ZNF629: variants seen among roughly 807,000 people sequenced by gnomAD.
The protein encoded by ZNF629 is zinc finger protein 629.
Under a neutral mutation model 59.7 loss-of-function variants are expected in ZNF629, and 9 were observed. The observed-to-expected ratio is 0.15, with a 90% CI of 0.09 to 0.26. The LOEUF (loss-of-function observed/expected upper bound fraction) is 0.26. Among genes scored for constraint, ZNF629 ranks in the 10% least tolerant of loss-of-function variants. The probability of loss-of-function intolerance (pLI) is 1.00; values close to 1 mark genes in which losing one functional copy is unlikely to be tolerated. For missense variants in ZNF629, 853 were observed against 1,165.4 expected (o/e 0.73, Z 3.90); for synonymous variants, 509 against 498.9 (o/e 1.02, Z -0.27).
chr16:30,782,006 C>T lies in ZNF629; in HGVS notation c.2322G>A (p.Arg774=). ...GGGCCACGCGGTCGAGGAAGGAGGC[C>T]CTGCAATCTGAGCAGCGGTAGGGTC... ...GARPYRCSDC[R]ASFLDRVALT... is the part of the protein sequence containing the mutation. The change falls in exon 3 of 3, where the codon AGG becomes AGA. Residue 774 remains arginine, a synonymous_variant. Coordinates refer to ENST00000262525, the MANE Select transcript of ZNF629 (RefSeq NM_001080417.3). 1 of 1,569,892 alleles carries T rather than the reference C, an allele frequency of 6.4e-7. No homozygotes were observed. The highest frequency in any genetic ancestry group is 8.6e-7 in the Non-Finnish European group (1 of 1,158,324).
rs1445092069 is a variant in ZNF629 at position 30,780,575 on chromosome 16, T to C, written c.*1143A>G. 1.3e-5 allele frequency: 2 copies of C among 152,532 alleles called. No homozygotes were observed. The highest frequency in any genetic ancestry group is 2.9e-5 in the Non-Finnish European group (2 of 68,028). The allele number at this position is 152,532 out of a possible 1,614,324, so 9.4% of individuals were successfully genotyped here. A position where few individuals can be genotyped will look rare whatever the true frequency, so the allele number is the denominator to read the frequency against. On this transcript the variant is annotated 3_prime_UTR_variant, in exon 3 of 3. Coordinates refer to ENST00000262525, the MANE Select transcript of ZNF629 (RefSeq NM_001080417.3). ...GAAATGAGCTGCCACTGGCGGCAGT[T>C]AGATTTCAGGAAAAACCTCCTGAAG...
In ZNF629 at chr16:30,783,285, C is replaced by T; in HGVS notation, c.1043G>A (p.Cys348Tyr). 1 of 1,614,126 alleles carries T rather than the reference C, an allele frequency of 6.2e-7. No homozygotes were observed. The highest frequency in any genetic ancestry group is 8.5e-7 in the Non-Finnish European group (1 of 1,180,026). ...RTHTGEKPYE[C>Y]LECGKSFGHS... ...GCCGAAGCTCTTGCCGCACTCTAGG[C>T]ACTCGTAGGGCTTCTCGCCTGTGTG... Residue 348 changes from cysteine to tyrosine, a missense_variant, in exon 3 of 3, where the codon TGC (cysteine) becomes TAC (tyrosine). Coordinates refer to ENST00000262525, the MANE Select transcript of ZNF629 (RefSeq NM_001080417.3).
intron 2 of ZNF629, 30 bp downstream of exon 2, chr16:30,784,380 G>T: frequency 6.4e-7 from 1 of 1,550,958 alleles, no homozygotes. Context: ...CCGTCTTGCC[G>T]GGACCGCAGC....
intron 2 of ZNF629, 43 bp from the exon 3 acceptor site, chr16:30,784,297 A>T: frequency 6.4e-7 from 1 of 1,568,210 alleles, no homozygotes; most frequent in South Asian, 1.2e-5. Context: ...CCCCTTTCAG[A>T]ACACGGGGTT....
chr16:30,783,299 C>T lies in ZNF629; in HGVS notation c.1029G>A (p.Glu343=), dbSNP rs777038459. Residue 343 remains glutamate (E), a synonymous_variant, in exon 3 of 3, where the codon GAG becomes GAA. Transcript: ENST00000262525. The stretch of plus-strand genomic sequence containing the variant: ...CGCACTCTAGGCACTCGTAGGGCTT[C>T]TCGCCTGTGTGCGTGCGCTGGTGCT... ...LTQHQRTHTG[E]KPYECLECGK... is the part of the protein sequence containing the mutation. The T allele has an allele frequency of 1.9e-6, 3 of 1,614,214 alleles. No individual in the cohort carries two copies. Among genetic ancestry groups the T allele is most frequent in the South Asian group, 2.2e-5 (2 of 91,086 alleles).
At position 30,783,171 on chromosome 16, in the gene ZNF629, C is replaced by A; in HGVS notation, c.1157G>T (p.Ser386Ile). The A allele has an allele frequency of 1.2e-6, 2 of 1,613,594 alleles. No homozygotes were observed. The change falls in exon 3 of 3, where the codon AGC becomes ATC. Residue 386 changes from serine (S) to isoleucine (I), a missense_variant. Transcript: ENST00000262525. ...CPVCGKTFTL[S>I]ATLLRHQRTH... is the part of the protein sequence containing the mutation. ...GCGCTGGTGCCGCAGCAACGTGGCGCTCAGGGTGAAGGTCTTGCCGCACAC... is the reference window on the plus strand; with the variant it reads ...GCGCTGGTGCCGCAGCAACGTGGCGATCAGGGTGAAGGTCTTGCCGCACAC...
In ZNF629 at chr16:30,786,313, G is replaced by C. The variant is rs949514425; in HGVS notation, c.-34+715C>G. 6.6e-6 allele frequency among the ~76,000 whole-genome samples: 1 copy of C among 152,174 alleles called. No homozygotes were observed. Among genetic ancestry groups the C allele is most frequent in the African/African-American group, 2.4e-5 (1 of 41,434 alleles). ...GCTGCCTGATGTCCGGTCCGGGAAGGATGCCCTGCTGTGTTTGCTCGGGAC... is the reference window on the plus strand; with the variant it reads ...GCTGCCTGATGTCCGGTCCGGGAAGCATGCCCTGCTGTGTTTGCTCGGGAC... On this transcript the variant is annotated intron_variant, in intron 1 of 2. Transcript: ENST00000262525. The surrounding 1 kb of genome is among the most constrained non-coding windows in gnomAD (Gnocchi z 4.8).
At position 30,782,105 on chromosome 16, in the gene ZNF629, G is replaced by C. The variant is rs200285813; in HGVS notation, c.2223C>G (p.Ser741Arg). The C allele has an allele frequency of 1.3e-4, 214 of 1,603,388 alleles. No homozygotes were observed. The African/African-American group carries it at 1.4e-3, about 11-fold the overall frequency. Residue 741 changes from serine to arginine, a missense_variant, in exon 3 of 3, where the codon AGC becomes AGG. By Grantham distance (110) the Ser-to-Arg change is moderately radical. Coordinates refer to ENST00000262525, the MANE Select transcript of ZNF629 (RefSeq NM_001080417.3). Reference sequence around the variant, plus strand: ...TCCCCAGCTCTGGACTCTTCTGGGAGCTCTTCCCGCCTGCATGGACTTTCT... The same window carrying C: ...TCCCCAGCTCTGGACTCTTCTGGGACCTCTTCCCGCCTGCATGGACTTTCT... ...LHQKVHAGGKSSQKSPELGKS... is the reference protein window; with the variant it reads ...LHQKVHAGGKRSQKSPELGKS...
At position 30,783,946 on chromosome 16, in the gene ZNF629, C is replaced by G; in HGVS notation, c.382G>C (p.Val128Leu). 2 of 1,588,138 alleles carry G rather than the reference C, an allele frequency of 1.3e-6. No individual in the cohort carries two copies. The highest frequency in any genetic ancestry group is 2.7e-5 in the African/African-American group (2 of 74,616). Residue 128 changes from valine to leucine, a missense_variant, in exon 3 of 3, where the codon GTC (valine) becomes CTC (leucine). Physicochemically the swap from Val to Leu is conservative, Grantham distance 32. Transcript: ENST00000262525. Reference protein sequence around the residue: ...ALTTWNSPPVVPANEPSLREL... With the variant: ...ALTTWNSPPVLPANEPSLREL... ...CGCAGGCTGGGCTCGTTGGCGGGGA[C>G]GACTGGGGGGCTGTTCCATGTGGTG...
chr16:30,783,758 G>A lies in ZNF629; in HGVS notation c.570C>T (p.Ser190=). The A allele has an allele frequency of 4.3e-6, 7 of 1,613,832 alleles. No individual in the cohort carries two copies. The highest frequency in any genetic ancestry group is 5.9e-6 in the Non-Finnish European group (7 of 1,179,908). Reference sequence around the variant, plus strand: ...TGCGCTGGTGCTGCACCAGGTGCGAGCTCTGCGTGAAGCTCTTGCCGCACT... The same window carrying A: ...TGCGCTGGTGCTGCACCAGGTGCGAACTCTGCGTGAAGCTCTTGCCGCACT... ...CSECGKSFTQ[S]SHLVQHQRTH... The change falls in exon 3 of 3, where the codon AGC becomes AGT. Residue 190 remains serine, a synonymous_variant. Coordinates refer to ENST00000262525, the MANE Select transcript of ZNF629 (RefSeq NM_001080417.3).
In ZNF629 at chr16:30,783,988, A is replaced by G; in HGVS notation, c.340T>C (p.Trp114Arg). The G allele has an allele frequency of 1.9e-6, 3 of 1,575,606 alleles. No homozygotes were observed. The highest frequency in any genetic ancestry group is 2.6e-6 in the Non-Finnish European group (3 of 1,161,168). ...CATGTGGTGAGAGCGCCCCACTGCC[A>G]GCTGGCCTCGCAGGCCTTGGTCCAG... ...SDWTKACEAS[W>R]QWGALTTWNS... is the part of the protein sequence containing the mutation. The change falls in exon 3 of 3, where the codon TGG becomes CGG. Residue 114 changes from tryptophan (W) to arginine (R), a missense_variant. Trp to Arg is a moderately radical substitution (Grantham distance 101). Transcript: ENST00000262525.
chr16:30,782,400 G>T lies in ZNF629; in HGVS notation c.1928C>A (p.Pro643Gln), dbSNP rs888611263. The T allele has an allele frequency of 4.5e-6, 7 of 1,570,376 alleles. No homozygotes were observed. The highest frequency in any genetic ancestry group is 3.8e-5 in the Admixed American group (2 of 53,078). Reference protein sequence around the residue: ...RAEAPGQPLKPPEGQEGFSQR... With the variant: ...RAEAPGQPLKQPEGQEGFSQR... ...GCTGAAGCCCTCCTGACCCTCCGGCGGCTTAAGGGGCTGTCCGGGGGCCTC... is the reference window on the plus strand; with the variant it reads ...GCTGAAGCCCTCCTGACCCTCCGGCTGCTTAAGGGGCTGTCCGGGGGCCTC... Residue 643 changes from proline (P) to glutamine (Q), a missense_variant, in exon 3 of 3, where the codon CCG (proline) becomes CAG (glutamine). Pro to Gln is a moderately conservative substitution (Grantham distance 76). Around this residue, in one of 3 missense-constraint regions of ZNF629, gnomAD observed 420 missense variants for 435.6 expected, o/e 0.96. Coordinates refer to ENST00000262525, the MANE Select transcript of ZNF629 (RefSeq NM_001080417.3).
Position 30,782,415 on chromosome 16 carries a change from C to G in ZNF629, c.1913G>C (p.Gly638Ala). 1.3e-6 allele frequency: 2 copies of G among 1,566,210 alleles called. No individual in the cohort carries two copies. Among genetic ancestry groups the G allele is most frequent in the African/African-American group, 1.4e-5 (1 of 73,798 alleles). The part of the protein sequence containing the change: ...GAAEGRAEAP[G>A]QPLKPPEGQE... ...ACCCTCCGGCGGCTTAAGGGGCTGTCCGGGGGCCTCCGCTCTGCCCTCCGC... is the reference window on the plus strand; with the variant it reads ...ACCCTCCGGCGGCTTAAGGGGCTGTGCGGGGGCCTCCGCTCTGCCCTCCGC... Residue 638 changes from glycine to alanine, a missense_variant, in exon 3 of 3, where the codon GGA becomes GCA. Gly to Ala is a moderately conservative substitution (Grantham distance 60). Transcript: ENST00000262525.
Position 30,782,369 on chromosome 16 carries a change from C to T in ZNF629, c.1959G>A (p.Arg653=). The T allele has an allele frequency of 6.3e-7, 1 of 1,582,366 alleles. No homozygotes were observed. Among genetic ancestry groups the T allele is most frequent in the East Asian group, 2.3e-5 (1 of 43,036 alleles). Residue 653 remains arginine (R), a synonymous_variant, in exon 3 of 3, where the codon AGG becomes AGA. Transcript: ENST00000262525. ...AGGTCTTGGAGGACAGCAGCCCCCGCCTCTGGCTGAAGCCCTCCTGACCCT... is the reference window on the plus strand; with the variant it reads ...AGGTCTTGGAGGACAGCAGCCCCCGTCTCTGGCTGAAGCCCTCCTGACCCT... The part of the protein sequence containing the change: ...PPEGQEGFSQ[R]RGLLSSKTYI...
At position 30,782,027 on chromosome 16, in the gene ZNF629, G is replaced by C. The variant is rs2054285981; in HGVS notation, c.2301C>G (p.Pro767=). 6.4e-7 allele frequency: 1 copy of C among 1,572,692 alleles called. No homozygotes were observed. The highest frequency in any genetic ancestry group is 1.4e-5 in the African/African-American group (1 of 73,280). ...AGGCCCTGCAATCTGAGCAGCGGTA[G>C]GGTCTGGCCCCCAGGGGGCTCCTGA... The part of the protein sequence containing the change: ...EHLRSPLGAR[P]YRCSDCRASF... The change falls in exon 3 of 3, where the codon CCC becomes CCG. Residue 767 remains proline, a synonymous_variant. Coordinates refer to ENST00000262525, the MANE Select transcript of ZNF629 (RefSeq NM_001080417.3).
chr16:30,782,025 T>G lies in ZNF629; in HGVS notation c.2303A>C (p.Tyr768Ser). Residue 768 changes from tyrosine (Y) to serine (S), a missense_variant, in exon 3 of 3, where the codon TAC (tyrosine) becomes TCC (serine). Physicochemically the swap from Tyr to Ser is moderately radical, Grantham distance 144 (BLOSUM62 -2). Around this residue, in one of 3 missense-constraint regions of ZNF629, gnomAD observed 420 missense variants for 435.6 expected, o/e 0.96. Transcript: ENST00000262525. ...GGAGGCCCTGCAATCTGAGCAGCGG[T>G]AGGGTCTGGCCCCCAGGGGGCTCCT... is the stretch of plus-strand genomic sequence containing the variant. The part of the protein sequence containing the change: ...HLRSPLGARP[Y>S]RCSDCRASFL... 1 of 1,575,674 alleles carries G rather than the reference T, an allele frequency of 6.3e-7. No individual in the cohort carries two copies. The highest frequency in any genetic ancestry group is 1.2e-5 in the South Asian group (1 of 85,762).
rs1002347886 is a variant in ZNF629 at position 30,778,551 on chromosome 16, C to G, written c.*3167G>C. ...CACAACACTCAAAAATGGGGCCTCT[C>G]TTCACTCCATGGGGACAAGTCCGGT... On this transcript the variant is annotated 3_prime_UTR_variant, in exon 3 of 3. Coordinates refer to ENST00000262525, the MANE Select transcript of ZNF629 (RefSeq NM_001080417.3). 2 of 152,812 alleles carry G rather than the reference C, an allele frequency of 1.3e-5. No homozygotes were observed. The highest frequency in any genetic ancestry group is 4.8e-5 in the African/African-American group (2 of 41,444). The allele number at this position is 152,812 out of a possible 1,614,324, so 9.5% of individuals were successfully genotyped here.
Position 30,782,421 on chromosome 16 carries a change from G to A in ZNF629, c.1907C>T (p.Ala636Val), listed in dbSNP as rs747876288. ...YPGAAEGRAE[A>V]PGQPLKPPEG... ...CGGCGGCTTAAGGGGCTGTCCGGGG[G>A]CCTCCGCTCTGCCCTCCGCAGCCCC... is the stretch of plus-strand genomic sequence containing the variant. The change falls in exon 3 of 3, where the codon GCC (alanine) becomes GTC (valine). Residue 636 changes from alanine to valine, a missense_variant. Physicochemically the swap from Ala to Val is moderately conservative, Grantham distance 64. Coordinates refer to ENST00000262525, the MANE Select transcript of ZNF629 (RefSeq NM_001080417.3). The A allele has an allele frequency of 1.3e-6, 2 of 1,566,408 alleles. No homozygotes were observed. The highest frequency in any genetic ancestry group is 1.7e-6 in the Non-Finnish European group (2 of 1,155,354).
At position 30,782,688 on chromosome 16, in the gene ZNF629, T is replaced by G; in HGVS notation, c.1640A>C (p.Gln547Pro). 1.1e-5 allele frequency: 17 copies of G among 1,606,598 alleles called. No individual in the cohort carries two copies. The highest frequency in any genetic ancestry group is 1.4e-5 in the Non-Finnish European group (17 of 1,176,812). ...ERGKTPARRA[Q>P]GDSLLGLGDP... ...CCCGAGCCCCAGCAGGCTGTCGCCC[T>G]GGGCCCTACGCGCTGGGGTCTTCCC... The change falls in exon 3 of 3, where the codon CAG (glutamine) becomes CCG (proline). Residue 547 changes from glutamine to proline, a missense_variant. This residue lies in a region of ZNF629 where 420 missense variants were observed against 435.6 expected (regional missense o/e 0.96). Coordinates refer to ENST00000262525, the MANE Select transcript of ZNF629 (RefSeq NM_001080417.3).
Sources: allele counts gnomAD v4.1 joint callset (sites outside exome capture counted in the v4.1 genomes callset), GRCh38; gene constraint gnomAD v4.1.1; regional missense constraint gnomAD v4.1.1; non-coding constraint Gnocchi (gnomAD v3.1); transcripts MANE v1.5; gene names NCBI Gene and HGNC (gene_info 2026-07-23, HGNC 2026-07-21).